Variants in TSPAN15 observed in about 807,000 individuals in gnomAD.
TSPAN15 encodes the protein tetraspanin 15, also known as tetraspanin-15.
TSPAN15 carries 20 observed loss-of-function variants against 34.5 expected under a neutral mutation model. The observed-to-expected ratio is 0.58, with a 90% confidence interval of 0.41 to 0.84. The LOEUF is 0.84. Among genes scored for constraint, TSPAN15 ranks in the 40% least tolerant of loss-of-function variants. The pLI, the probability that TSPAN15 is intolerant of heterozygous loss-of-function variation, is 0.00. For synonymous variants in TSPAN15, 155 were observed against 153.9 expected (o/e 1.01, Z -0.05); for missense variants, 313 against 386.1 (o/e 0.81, Z 1.59).
At chr10:69,492,924 G>A (rs1406844926) in intron 3 of TSPAN15, among the ~76,000 whole-genome samples, 2 of 152,206 alleles carry the variant, frequency 1.3e-5, no homozygotes, top group Non-Finnish European at 2.9e-5. Context: ...AGAGTAGGGG[G>A]AAGCCACCCG....
chr10:69,501,917 A>C (rs1005663987), intron 5 of TSPAN15, among the ~76,000 whole-genome samples: 1 of 152,144 alleles, frequency 6.6e-6, no homozygotes, highest in African/African-American at 2.4e-5. Context: ...CCTTATGAGA[A>C]TCAAACTAAT....
At chr10:69,491,386 GAC>G (rs2133128815) in intron 3 of TSPAN15, among the ~76,000 whole-genome samples, 2 of 152,300 alleles carry the variant, frequency 1.3e-5, no homozygotes, top group African/African-American at 2.4e-5. Flanking sequence ...TTGTTTTTGA[GAC>G]AGTCTTGCTC....
intron 1 of TSPAN15, among the ~76,000 whole-genome samples, chr10:69,480,656 G>T (rs1257279438): frequency 6.6e-6 from 1 of 152,126 alleles, no homozygotes; most frequent in African/African-American, 2.4e-5. Flanking sequence ...TTCCTCATGG[G>T]TGGAGTCACT....
intron 4 of TSPAN15, among the ~76,000 whole-genome samples, chr10:69,496,077 G>A (rs1486090989): frequency 6.6e-6 from 1 of 151,968 alleles, no homozygotes; most frequent in Non-Finnish European, 1.5e-5. Context: ...AACCTCAAGG[G>A]GAGTAACCTA....
intron 1 of TSPAN15, among the ~76,000 whole-genome samples, chr10:69,464,964 AGGCTGGGGGAACCCTGTTCATGCCTCT>A (rs1841351807): frequency 6.6e-6 from 1 of 152,212 alleles, no homozygotes. Context: ...GTCAGAACCC[AGGCTGGGGGAACCCTGTTCATGCCTCT>A]GGCTTGGTTC....
chr10:69,486,103 A>G (rs1221512675), intron 3 of TSPAN15, among the ~76,000 whole-genome samples: 1 of 152,234 alleles, frequency 6.6e-6, no homozygotes, highest in African/African-American at 2.4e-5. Context: ...GGGGACACCT[A>G]GCTCACAGAT....
chr10:69,465,199 G>T (rs1354843750), intron 1 of TSPAN15, among the ~76,000 whole-genome samples: 1 of 151,392 alleles, frequency 6.6e-6, no homozygotes, highest in Non-Finnish European at 1.5e-5. Flanking sequence ...TTAGCTTCGG[G>T]GTGTTGGGCT....
At chr10:69,479,941 C>T (rs1237241534) in intron 1 of TSPAN15, among the ~76,000 whole-genome samples, 4 of 152,148 alleles carry the variant, frequency 2.6e-5, no homozygotes, top group African/African-American at 9.7e-5. Context: ...TCTTGGTTTA[C>T]ATTTGCTTTG....
At chr10:69,512,718 C>T in the TSPAN15 span, among the ~76,000 whole-genome samples, 3 of 152,210 alleles carry the variant, frequency 2.0e-5, no homozygotes, top group African/African-American at 7.2e-5. Flanking sequence ...GCTTCTTTCA[C>T]TCAGTAATCA....
At chr10:69,466,975 G>C (rs1841397197) in intron 1 of TSPAN15, among the ~76,000 whole-genome samples, 1 of 152,204 alleles carries the variant, frequency 6.6e-6, no homozygotes, top group Non-Finnish European at 1.5e-5. Flanking sequence ...TGGGCTCTTT[G>C]CTGGGTCGCA....
the TSPAN15 span, among the ~76,000 whole-genome samples, chr10:69,529,513 G>A: frequency 3.6e-3 from 530 of 147,734 alleles, 44 homozygotes; most frequent in Non-Finnish European, 5.5e-3. Flanking sequence ...CTATTAATAA[G>A]GTAATATTAA....
At chr10:69,507,926 G>T (rs140960549), downstream of TSPAN15, among the ~76,000 whole-genome samples, 241 of 151,924 alleles carry the variant, frequency 1.6e-3, no homozygotes, top group African/African-American at 5.3e-3. Context: ...GGTGGATGGG[G>T]TGGGGGACCA....
At chr10:69,458,900 T>C (rs1326278611) in intron 1 of TSPAN15, among the ~76,000 whole-genome samples, 1 of 152,144 alleles carries the variant, frequency 6.6e-6, no homozygotes, top group Admixed American at 6.5e-5. Context: ...GGTTGGTTCC[T>C]GGAGAAGCAG....
At chr10:69,539,509 A>G in the TSPAN15 span, among the ~76,000 whole-genome samples, 416 of 77,952 alleles carry the variant, frequency 5.3e-3, 2 homozygotes, top group East Asian at 8.5e-3. Context: ...GAAGAAGAAG[A>G]AGAAGAAGAA....
intron 1 of TSPAN15, among the ~76,000 whole-genome samples, chr10:69,475,503 C>A (rs550505455): frequency 6.6e-6 from 1 of 152,166 alleles, no homozygotes; most frequent in Non-Finnish European, 1.5e-5. Flanking sequence ...ACCTGCCTGT[C>A]CCCAAACTCT....
At chr10:69,460,242 ACCATGG>A (rs1248338619) in intron 1 of TSPAN15, among the ~76,000 whole-genome samples, 8 of 151,828 alleles carry the variant, frequency 5.3e-5, no homozygotes, top group Non-Finnish European at 1.5e-5. Flanking sequence ...TTTCTGGGCT[ACCATGG>A]CACACTGTCA....
chr10:69,506,707 C>T lies in TSPAN15; in HGVS notation c.736-122C>T. The T allele has an allele frequency of 1.0e-6, 1 of 990,106 alleles. No individual in the cohort carries two copies. Among genetic ancestry groups the T allele is most frequent in the Non-Finnish European group, 1.5e-6 (1 of 664,406 alleles). 61.3% of individuals were successfully genotyped at this position (990,106 alleles called of 1,614,324 possible). ...GAGAAGTCTCTGCTGTGGGTGTTGC[C>T]CAGGTCACACAGGACCATGAGGGCT... is the stretch of plus-strand genomic sequence containing the variant. On this transcript the variant is annotated intron_variant, in intron 7 of 7. Transcript: ENST00000373290. The surrounding 1 kb of genome is among the most constrained non-coding windows in gnomAD (Gnocchi z 4.7).
chr10:69,463,808 C>A (rs1273995664), intron 1 of TSPAN15, among the ~76,000 whole-genome samples: 823 of 116,474 alleles, frequency 7.1e-3, no homozygotes, highest in Admixed American at 7.1e-3. Flanking sequence ...GACTCCGTCT[C>A]AAAAAAAAAA....
the TSPAN15 span, among the ~76,000 whole-genome samples, chr10:69,530,820 CTATATATATATATATATA>C: frequency 3.8e-3 from 118 of 30,774 alleles, 4 homozygotes; most frequent in African/African-American, 0.011. Flanking sequence ...CTCTCTCTCT[CTATATATATATATATATA>C]TATATATATA....
Sources: gnomAD v4.1 joint callset for allele counts (sites outside exome capture counted in the v4.1 genomes callset) on GRCh38, gnomAD v4.1.1 for gene constraint, Gnocchi (gnomAD v3.1) non-coding constraint, MANE v1.5 for transcripts, NCBI Gene and HGNC (gene_info 2026-07-23, HGNC 2026-07-21) for gene names.